The following MITF variants were observed in gnomAD, a reference collection of about 807,000 sequenced individuals.
MITF encodes melanocyte inducing transcription factor, also known as microphthalmia-associated transcription factor.
MITF carries 17 observed loss-of-function variants against 60.5 expected under a neutral mutation model. The observed-to-expected ratio is 0.28, with a 90% CI of 0.19 to 0.42. The LOEUF (loss-of-function observed/expected upper bound fraction) is 0.42. Among genes scored for constraint, MITF ranks in the 10% least tolerant of loss-of-function variants. The pLI is 1.00. For synonymous variants in MITF, 260 were observed against 248.5 expected (o/e 1.05, Z -0.43); for missense variants, 622 against 683.5 (o/e 0.91, Z 1.00).
chr3:69,881,644 T>G (rs1042905540), intron 2 of MITF, among the ~76,000 whole-genome samples: 2 of 121,004 alleles, frequency 1.7e-5, no homozygotes, highest in South Asian at 2.4e-4. Context: ...AGAAAGGTGG[T>G]TTTTTTTTTC....
At chr3:69,865,633 G>T (rs138545781) in intron 1 of MITF, among the ~76,000 whole-genome samples, 3 of 152,240 alleles carry the variant, frequency 2.0e-5, no homozygotes, top group African/African-American at 7.2e-5. Context: ...GGAGCAGTTT[G>T]TGTTTTACTT....
intron 1 of MITF, among the ~76,000 whole-genome samples, chr3:69,846,602 G>T (rs1454163784): frequency 1.3e-5 from 2 of 152,106 alleles, no homozygotes; most frequent in East Asian, 3.9e-4. Flanking sequence ...ATCACCTGAG[G>T]TCAGGAGTTT....
chr3:69,810,104 G>A lies in MITF; in HGVS notation c.105-69030G>A, dbSNP rs976155055. Reference sequence around the variant, plus strand: ...TAAGCTGAGTATTCATTTTAAGCACGCTCATCTACCCTTGGTCCTCTGTCC... The same window carrying A: ...TAAGCTGAGTATTCATTTTAAGCACACTCATCTACCCTTGGTCCTCTGTCC... On this transcript the variant is annotated intron_variant, in intron 1 of 9. Coordinates refer to ENST00000352241, the MANE Select transcript of MITF (RefSeq NM_001354604.2). 2.0e-5 allele frequency among the ~76,000 whole-genome samples: 3 copies of A among 151,964 alleles called. No individual in the cohort carries two copies. In the East Asian group the frequency reaches 5.8e-4, roughly 29 times the overall value.
chr3:69,962,827 C>T (rs544501106), intron 9 of MITF, among the ~76,000 whole-genome samples: 2 of 152,284 alleles, frequency 1.3e-5, no homozygotes, highest in East Asian at 3.9e-4. Context: ...GTGTATTACC[C>T]AGCTAGTGCT....
Position 69,889,025 on chromosome 3 carries a change from G to GTTTT in MITF, c.354+9665_354+9668dup, listed in dbSNP as rs4057977. Among the ~76,000 whole-genome samples, 26 of 58,812 alleles carry GTTTT rather than the reference G, an allele frequency of 4.4e-4. 1 individual carries two copies. The highest frequency in any genetic ancestry group is 2.5e-3 in the East Asian group (4 of 1,630). 38.6% of individuals were successfully genotyped at this position (58,812 alleles called of 152,430 possible). ...AGACAGGCTGTAGTAATAGCCTTTG[G>GTTTT]TTTTTTTTTTTTTTTTTTTTTTTTT... On this transcript the variant is annotated intron_variant, in intron 2 of 9. Coordinates refer to ENST00000352241, the MANE Select transcript of MITF (RefSeq NM_001354604.2).
chr3:69,929,448 A>G (rs1053356365), intron 2 of MITF, among the ~76,000 whole-genome samples: 1 of 152,148 alleles, frequency 6.6e-6, no homozygotes, highest in Non-Finnish European at 1.5e-5. Context: ...TACGTGGAGA[A>G]CTAACAAGCT....
intron 2 of MITF, among the ~76,000 whole-genome samples, chr3:69,911,135 T>C (rs969280729): frequency 6.6e-5 from 10 of 152,048 alleles, no homozygotes; most frequent in African/African-American, 9.7e-5. Flanking sequence ...ATTTGATGGG[T>C]TTATCAGGGG....
chr3:69,918,568 T>G (rs1219111724), intron 2 of MITF, among the ~76,000 whole-genome samples: 4 of 152,148 alleles, frequency 2.6e-5, no homozygotes, highest in Non-Finnish European at 4.4e-5. Context: ...ATCCTGCATA[T>G]TTGGTTGGTT....
intron 1 of MITF, among the ~76,000 whole-genome samples, chr3:69,789,364 A>C (rs1481689024): frequency 6.6e-6 from 1 of 152,236 alleles, no homozygotes. Context: ...TGGTATACAG[A>C]TGACCAACAA....
At chr3:69,880,763 G>C (rs913884508) in intron 2 of MITF, among the ~76,000 whole-genome samples, 1 of 151,826 alleles carries the variant, frequency 6.6e-6, no homozygotes, top group African/African-American at 2.4e-5. Context: ...GTATACCTTA[G>C]GTTATTTAAA....
chr3:69,776,517 T>C (rs1242605633), intron 1 of MITF, among the ~76,000 whole-genome samples: 1 of 152,164 alleles, frequency 6.6e-6, no homozygotes, highest in Non-Finnish European at 1.5e-5. Flanking sequence ...AGGGTTATTA[T>C]GAAGATTAAC....
intron 1 of MITF, among the ~76,000 whole-genome samples, chr3:69,798,751 T>A (rs2062870619): frequency 6.6e-6 from 1 of 152,238 alleles, no homozygotes; most frequent in Admixed American, 6.5e-5. Context: ...CTTCATTTAT[T>A]CCTGAAAATG....
chr3:69,959,148 C>T, intron 8 of MITF, 125 bp from the exon 9 acceptor site: 4 of 1,152,314 alleles, frequency 3.5e-6, no homozygotes, highest in East Asian at 5.1e-5. Context: ...CCACCTGTTC[C>T]CCCAAAACTA....
chr3:69,895,808 T>TGTG, intron 2 of MITF, among the ~76,000 whole-genome samples: 1 of 140,052 alleles, frequency 7.1e-6, no homozygotes, highest in South Asian at 2.3e-4. Flanking sequence ...TGTGGAGTGT[T>TGTG]TGTGTGTGTG....
intron 1 of MITF, among the ~76,000 whole-genome samples, chr3:69,753,687 A>T (rs1704020902): frequency 6.6e-6 from 1 of 152,172 alleles, no homozygotes; most frequent in African/African-American, 2.4e-5. Context: ...GTCAAAGGAG[A>T]TTATTTTGGA....
At chr3:69,768,296 C>A (rs1305461594) in intron 1 of MITF, among the ~76,000 whole-genome samples, 2 of 152,164 alleles carry the variant, frequency 1.3e-5, no homozygotes, top group African/African-American at 4.8e-5. Flanking sequence ...AAGGTCTGTG[C>A]CTTATATGGA....
chr3:69,799,538 A>G (rs1259690782), intron 1 of MITF, among the ~76,000 whole-genome samples: 1 of 152,112 alleles, frequency 6.6e-6, no homozygotes, highest in Non-Finnish European at 1.5e-5. Context: ...TACATGGACA[A>G]AGTTATACAC....
rs529841844 is a variant in MITF, at chr3:69,954,268, G to A, written c.956-2187G>A. 3.9e-5 allele frequency among the ~76,000 whole-genome samples: 6 copies of A among 152,248 alleles called. No homozygotes were observed. In the South Asian group the frequency reaches 8.3e-4, roughly 21 times the overall value. Reference sequence around the variant, plus strand: ...TATTTAACACATATTTGTTGAGAGCGTACTATGTGCCAGATGCACAAGGTT... The same window carrying A: ...TATTTAACACATATTTGTTGAGAGCATACTATGTGCCAGATGCACAAGGTT... On this transcript the variant is annotated intron_variant, in intron 7 of 9. Coordinates refer to ENST00000352241, the MANE Select transcript of MITF (RefSeq NM_001354604.2).
intron 2 of MITF, among the ~76,000 whole-genome samples, chr3:69,897,318 G>C (rs1012344074): frequency 6.6e-6 from 1 of 152,162 alleles, no homozygotes; most frequent in Non-Finnish European, 1.5e-5. Flanking sequence ...TCCAGAAGAC[G>C]TAAGAAGAAA....
Sources: gnomAD v4.1 joint callset for allele counts (sites outside exome capture counted in the v4.1 genomes callset) on GRCh38, gnomAD v4.1.1 for gene constraint, MANE v1.5 for transcripts, NCBI Gene and HGNC (gene_info 2026-07-23, HGNC 2026-07-21) for gene names.